The following SULT1C3 variants were observed in gnomAD, a reference collection of about 807,000 sequenced individuals.
The protein encoded by SULT1C3 is sulfotransferase family 1C member 3.
A neutral mutation model predicts 28.4 loss-of-function variants in SULT1C3; 31 were observed. The ratio of observed to expected loss-of-function variants is 1.09; its 90% confidence interval spans 0.82 to 1.47. The LOEUF (loss-of-function observed/expected upper bound fraction) is 1.47. Among genes scored for constraint, SULT1C3 ranks in the 40% most tolerant of loss-of-function variants. The probability of loss-of-function intolerance (pLI) is 0.00; values close to 1 mark genes in which losing one functional copy is unlikely to be tolerated. For synonymous variants in SULT1C3, 106 were observed against 92.2 expected (o/e 1.15, Z -0.86); for missense variants, 307 against 272.5 (o/e 1.13, Z -0.89).
At chr2:108,264,520 T>A (rs1676088870), downstream of SULT1C3, among the ~76,000 whole-genome samples, 1 of 152,128 alleles carries the variant, frequency 6.6e-6, no homozygotes, top group African/African-American at 2.4e-5. Flanking sequence ...CCACCAAATC[T>A]CCTGGCACTC....
intron 1 of SULT1C3, among the ~76,000 whole-genome samples, chr2:108,246,213 G>C (rs1437415428): frequency 6.6e-6 from 1 of 152,094 alleles, no homozygotes; most frequent in African/African-American, 2.4e-5. Context: ...ACATTTTCCT[G>C]TCTTCTTCTG....
At chr2:108,265,061 T>C (rs1394745083), downstream of SULT1C3, 3 of 1,534,320 alleles carry the variant, frequency 2.0e-6, no homozygotes, top group Non-Finnish European at 2.6e-6. Flanking sequence ...CCCCATGGTC[T>C]GCTTAGATTT....
chr2:108,250,190 C>A (rs1313925420), intron 2 of SULT1C3, among the ~76,000 whole-genome samples: 1 of 151,494 alleles, frequency 6.6e-6, no homozygotes, highest in Non-Finnish European at 1.5e-5. Context: ...ATACATATAT[C>A]TGGCCAGAAG....
intron 1 of SULT1C3, among the ~76,000 whole-genome samples, chr2:108,246,418 C>A (rs998783818): frequency 6.6e-6 from 1 of 152,060 alleles, no homozygotes; most frequent in South Asian, 2.1e-4. Context: ...TCTGGGGAAG[C>A]CTCACAGTCA....
chr2:108,256,550 T>C (rs1431066890), intron 5 of SULT1C3, among the ~76,000 whole-genome samples: 2 of 152,066 alleles, frequency 1.3e-5, no homozygotes, highest in East Asian at 3.9e-4. Context: ...AATTAGAACT[T>C]CCATAAGTGA....
chr2:108,265,309 G>C, downstream of SULT1C3: 1 of 1,613,982 alleles, frequency 6.2e-7, no homozygotes, highest in Middle Eastern at 1.7e-4. Context: ...ACTACCAGAA[G>C]AAGATGGCAG....
chr2:108,258,838 A>G lies in SULT1C3; in HGVS notation c.621+10A>G, dbSNP rs1193966789. ...CGAGGATATTAAAAAAGTAAGTGGCACTGAGACTTATAGGTCAGACCCAGA... is the reference window on the plus strand; with the variant it reads ...CGAGGATATTAAAAAAGTAAGTGGCGCTGAGACTTATAGGTCAGACCCAGA... On this transcript the variant is annotated intron_variant, in intron 6 of 7. Transcript: ENST00000681802. The G allele has an allele frequency of 6.2e-7, 1 of 1,604,518 alleles. No homozygotes were observed. The highest frequency in any genetic ancestry group is 8.5e-7 in the Non-Finnish European group (1 of 1,172,772).
intron 2 of SULT1C3, 106 bp from the exon 3 acceptor site, chr2:108,252,259 C>G (rs1407848771): frequency 5.4e-6 from 6 of 1,105,164 alleles, no homozygotes; most frequent in African/African-American, 3.2e-5. Flanking sequence ...CAACATTGAT[C>G]TAATTTTAAA....
Position 108,260,727 on chromosome 2 carries a change from G to A in SULT1C3, c.*47G>A, listed in dbSNP as rs753866634. 4.4e-5 allele frequency: 20 copies of A among 451,866 alleles called. No homozygotes were observed. Among genetic ancestry groups the A allele is most frequent in the South Asian group, 6.3e-5 (4 of 63,466 alleles). 28.0% of individuals were successfully genotyped at this position (451,866 alleles called of 1,614,324 possible). A position where few individuals can be genotyped will look rare whatever the true frequency, so the allele number is the denominator to read the frequency against. ...TGACAGAGACTATGCCAACTATTTC[G>A]CCTTTTATTCTGTTGAGCAAGGAAC... On this transcript the variant is annotated 3_prime_UTR_variant, in exon 8 of 8. Coordinates refer to ENST00000681802, the MANE Select transcript of SULT1C3 (RefSeq NM_001320878.2).
At chr2:108,259,433 G>A (rs764516489) in intron 7 of SULT1C3, among the ~76,000 whole-genome samples, 2 of 152,086 alleles carry the variant, frequency 1.3e-5, no homozygotes, top group African/African-American at 2.4e-5. Context: ...TTTCTCTCAA[G>A]TACTCAGGTG....
At chr2:108,245,722 A>G (rs1297371465) in intron 1 of SULT1C3, among the ~76,000 whole-genome samples, 1 of 151,744 alleles carries the variant, frequency 6.6e-6, no homozygotes, top group Non-Finnish European at 1.5e-5. Flanking sequence ...TGCCATGAAG[A>G]CTCCTGACAA....
intron 3 of SULT1C3, among the ~76,000 whole-genome samples, chr2:108,253,006 T>TA (rs1029913526): frequency 8.6e-5 from 13 of 151,072 alleles, no homozygotes; most frequent in East Asian, 3.9e-4. Flanking sequence ...CAACCTATTG[T>TA]AAAAAAATGG....
downstream of SULT1C3, chr2:108,265,005 G>A (rs139414825): frequency 6.2e-7 from 1 of 1,607,352 alleles, no homozygotes; most frequent in Non-Finnish European, 8.5e-7. Context: ...TATGAGGAAA[G>A]GTAGATAAGC....
chr2:108,242,018 G>C (rs578240374), intron 1 of SULT1C3, among the ~76,000 whole-genome samples: 3 of 150,894 alleles, frequency 2.0e-5, no homozygotes, highest in Non-Finnish European at 4.4e-5. Context: ...AGACAGAAAC[G>C]CAAATAAAGT....
chr2:108,252,335 A>G (rs1558663775), intron 2 of SULT1C3, 30 bp from the exon 3 acceptor site: 2 of 1,577,712 alleles, frequency 1.3e-6, no homozygotes, highest in South Asian at 1.2e-5. Flanking sequence ...CAATTGACTA[A>G]AATTAAAGAA....
At chr2:108,252,216 G>C (rs1218099371) in intron 2 of SULT1C3, 149 bp from the exon 3 acceptor site, 1 of 641,684 alleles carries the variant, frequency 1.6e-6, no homozygotes, top group Non-Finnish European at 2.7e-6. Context: ...GATAGATGCA[G>C]GTATAATACA....
chr2:108,260,218 A>G (rs1314931441), intron 7 of SULT1C3, among the ~76,000 whole-genome samples: 1 of 152,140 alleles, frequency 6.6e-6, no homozygotes, highest in East Asian at 1.9e-4. Context: ...CTGGGAGAAT[A>G]AGATAGGCTG....
intron 2 of SULT1C3, among the ~76,000 whole-genome samples, 178 bp downstream of exon 2, chr2:108,247,544 T>C (rs1289707612): frequency 6.6e-6 from 1 of 152,184 alleles, no homozygotes; most frequent in Non-Finnish European, 1.5e-5. Context: ...CAATTTCCAA[T>C]AGCACTCTCT....
chr2:108,258,910 G>A (rs536929913), intron 6 of SULT1C3, 56 bp from the exon 7 acceptor site: 3 of 1,100,860 alleles, frequency 2.7e-6, no homozygotes, highest in Non-Finnish European at 4.0e-6. Flanking sequence ...GTCTTTAATT[G>A]GCCAAGTTCT....
Sources: allele counts gnomAD v4.1 joint callset (sites outside exome capture counted in the v4.1 genomes callset), GRCh38; gene constraint gnomAD v4.1.1; transcripts MANE v1.5; gene names NCBI Gene and HGNC (gene_info 2026-07-23, HGNC 2026-07-21).